GABRB1: variants seen among roughly 807,000 people sequenced by gnomAD.
The protein encoded by GABRB1 is gamma-aminobutyric acid type A receptor subunit beta1, also known as gamma-aminobutyric acid receptor subunit beta-1.
In GABRB1, 17 loss-of-function variants were observed where a neutral mutation model predicts 51.6. The ratio of observed to expected loss-of-function variants is 0.33; its 90% CI spans 0.23 to 0.49. GABRB1 has a LOEUF of 0.49. Among genes scored for constraint, GABRB1 ranks in the 20% least tolerant of loss-of-function variants. The pLI, the probability that GABRB1 is intolerant of heterozygous loss-of-function variation, is 0.99. For synonymous variants in GABRB1, 247 were observed against 218.9 expected, an observed-to-expected ratio of 1.13 and a Z score of -1.14; for missense variants, 410 against 600.6, an observed-to-expected ratio of 0.68 and a Z score of 3.32.
At chr4:47,024,274 T>A (rs1725018121) in intron 1 of GABRB1, among the ~76,000 whole-genome samples, 1 of 151,964 alleles carries the variant, frequency 6.6e-6, no homozygotes, top group Non-Finnish European at 1.5e-5. Context: ...TACTTCATGA[T>A]ATTGATTTTT....
At chr4:47,405,777 C>T (rs1185480845) in intron 7 of GABRB1, among the ~76,000 whole-genome samples, 1 of 152,102 alleles carries the variant, frequency 6.6e-6, no homozygotes, top group Non-Finnish European at 1.5e-5. Flanking sequence ...ACACTAGATT[C>T]CAACTTCTTT....
chr4:47,230,738 A>G (rs951792410), intron 4 of GABRB1, among the ~76,000 whole-genome samples: 2 of 152,184 alleles, frequency 1.3e-5, no homozygotes, highest in African/African-American at 2.4e-5. Context: ...AGTGGCTCAA[A>G]CACTTTCAGT....
chr4:47,403,233 C>T, intron 5 of GABRB1, 85 bp from the exon 6 acceptor site: 1 of 1,481,664 alleles, frequency 6.7e-7, no homozygotes, highest in Non-Finnish European at 9.3e-7. Flanking sequence ...CACTTTTGTG[C>T]TGGGAATTTT....
intron 4 of GABRB1, among the ~76,000 whole-genome samples, chr4:47,202,815 C>T (rs947351917): frequency 6.6e-6 from 1 of 152,092 alleles, no homozygotes; most frequent in Non-Finnish European, 1.5e-5. Flanking sequence ...TCTATCAATG[C>T]CACTTCTTTT....
intron 4 of GABRB1, among the ~76,000 whole-genome samples, chr4:47,273,034 C>T (rs1722935508): frequency 6.6e-6 from 1 of 152,060 alleles, no homozygotes; most frequent in African/African-American, 2.4e-5. Flanking sequence ...TATCCATAAA[C>T]CAAGTATCCA....
chr4:47,237,095 T>G (rs961664684), intron 4 of GABRB1, among the ~76,000 whole-genome samples: 2 of 152,034 alleles, frequency 1.3e-5, no homozygotes, highest in African/African-American at 4.8e-5. Flanking sequence ...ATTTGAATTT[T>G]TATATAATAG....
chr4:47,323,745 C>T (rs1467642500), intron 5 of GABRB1, among the ~76,000 whole-genome samples: 1 of 152,078 alleles, frequency 6.6e-6, no homozygotes, highest in Admixed American at 6.6e-5. Flanking sequence ...AAAATGTTTT[C>T]CTTGGTTGGG....
rs1728589213 is a variant in GABRB1, at chr4:47,406,843, G to A, written c.997G>A (p.Gly333Arg). The change falls in exon 8 of 9, where the codon GGG (glycine) becomes AGG (arginine). Residue 333 changes from glycine to arginine, a missense_variant. Gly to Arg is a moderately radical substitution (Grantham distance 125). Around this residue, in one of 5 missense-constraint regions of GABRB1, gnomAD observed 181 missense variants for 195.6 expected, o/e 0.93. Coordinates refer to ENST00000295454, the MANE Select transcript of GABRB1 (RefSeq NM_000812.4). ...EYAFVNYIFF[G>R]KGPQKKGASK... The stretch of plus-strand genomic sequence containing the variant: ...TGCCTTTGTAAATTACATCTTCTTT[G>A]GGAAAGGCCCTCAGAAAAAGGGAGC... 6.2e-7 allele frequency: 1 copy of A among 1,613,940 alleles called. No individual in the cohort carries two copies. The highest frequency in any genetic ancestry group is 8.5e-7 in the Non-Finnish European group (1 of 1,180,016).
chr4:47,158,454 C>A (rs1017354960), intron 3 of GABRB1, among the ~76,000 whole-genome samples: 3 of 151,988 alleles, frequency 2.0e-5, no homozygotes, highest in Non-Finnish European at 4.4e-5. Context: ...AGTTTATAAT[C>A]ATATATTTTC....
At chr4:47,258,579 G>T (rs1250224418) in intron 4 of GABRB1, among the ~76,000 whole-genome samples, 2 of 152,140 alleles carry the variant, frequency 1.3e-5, no homozygotes, top group Non-Finnish European at 2.9e-5. Flanking sequence ...TAGGAAAATT[G>T]TAAAGTGACC....
At chr4:47,060,945 T>G (rs189226951) in intron 3 of GABRB1, among the ~76,000 whole-genome samples, 237 of 152,346 alleles carry the variant, frequency 1.6e-3, no homozygotes, top group Non-Finnish European at 2.4e-3. Flanking sequence ...CAGGATTTTA[T>G]GGTTTCAAAT....
intron 4 of GABRB1, among the ~76,000 whole-genome samples, chr4:47,183,221 G>A (rs1437395283): frequency 6.6e-6 from 1 of 151,244 alleles, no homozygotes; most frequent in African/African-American, 2.4e-5. Context: ...AGGGGTATCT[G>A]AGGTGGTGAG....
chr4:47,357,070 A>T (rs528423022), intron 5 of GABRB1, among the ~76,000 whole-genome samples: 1 of 152,166 alleles, frequency 6.6e-6, no homozygotes, highest in Non-Finnish European at 1.5e-5. Context: ...CATTTTTTCT[A>T]ATTTCAAAGT....
At chr4:47,261,825 G>C (rs1722451839) in intron 4 of GABRB1, among the ~76,000 whole-genome samples, 3 of 152,108 alleles carry the variant, frequency 2.0e-5, no homozygotes. Context: ...AAACAGCATG[G>C]TACTTTTACC....
intron 3 of GABRB1, among the ~76,000 whole-genome samples, chr4:47,128,017 A>G (rs1487026653): frequency 6.6e-6 from 1 of 151,792 alleles, no homozygotes; most frequent in Non-Finnish European, 1.5e-5. Context: ...TAAGAAAGTC[A>G]TTAATTATAT....
chr4:47,343,546 C>G (rs949187690), intron 5 of GABRB1, among the ~76,000 whole-genome samples: 1 of 152,122 alleles, frequency 6.6e-6, no homozygotes, highest in Admixed American at 6.6e-5. Flanking sequence ...CTGTGAAAAT[C>G]CCCTGCAGAC....
chr4:47,115,395 G>A (rs1715417804), intron 3 of GABRB1, among the ~76,000 whole-genome samples: 1 of 151,710 alleles, frequency 6.6e-6, no homozygotes, highest in African/African-American at 2.4e-5. Flanking sequence ...CTGTCTGAAT[G>A]CTTTAAGTAC....
chr4:47,286,842 A>G (rs920738062), intron 4 of GABRB1, among the ~76,000 whole-genome samples: 1 of 152,254 alleles, frequency 6.6e-6, no homozygotes, highest in Admixed American at 6.5e-5. Flanking sequence ...AATGTTACTT[A>G]CAGATAGAAA....
chr4:47,063,192 C>A (rs1726917114), intron 3 of GABRB1, among the ~76,000 whole-genome samples: 1 of 152,164 alleles, frequency 6.6e-6, no homozygotes, highest in Non-Finnish European at 1.5e-5. Flanking sequence ...ACGACCGATG[C>A]AGGCCTTGAA....
Sources: gnomAD v4.1 joint callset for allele counts (sites outside exome capture counted in the v4.1 genomes callset) on GRCh38, gnomAD v4.1.1 for gene constraint, gnomAD v4.1.1 regional missense constraint, MANE v1.5 for transcripts, NCBI Gene and HGNC (gene_info 2026-07-23, HGNC 2026-07-21) for gene names.